Variants in FRMD5 observed in about 807,000 individuals in gnomAD.
FRMD5 encodes the protein FERM domain containing 5, also known as FERM domain-containing protein 5.
In FRMD5, 20 loss-of-function variants were observed where a neutral mutation model predicts 69.0. The observed-to-expected ratio is 0.29, with a 90% CI of 0.20 to 0.42. FRMD5 has a LOEUF of 0.42. Among genes scored for constraint, FRMD5 ranks in the 10% least tolerant of loss-of-function variants. FRMD5 has a pLI of 1.00. For synonymous variants in FRMD5, 271 were observed against 260.1 expected, an observed-to-expected ratio of 1.04 and a Z score of -0.40; for missense variants, 595 against 708.6, an observed-to-expected ratio of 0.84 and a Z score of 1.82.
chr15:43,958,293 C>T (rs907678670), intron 1 of FRMD5, among the ~76,000 whole-genome samples: 2 of 151,676 alleles, frequency 1.3e-5, no homozygotes, highest in Admixed American at 6.6e-5. Flanking sequence ...GAGGACCATG[C>T]CTTAGAGTAC....
At chr15:43,904,228 T>G (rs1272442203) in intron 6 of FRMD5, among the ~76,000 whole-genome samples, 1 of 152,180 alleles carries the variant, frequency 6.6e-6, no homozygotes, top group Non-Finnish European at 1.5e-5. Flanking sequence ...AAGGAACAAG[T>G]TGAAGCTTAG....
intron 1 of FRMD5, among the ~76,000 whole-genome samples, chr15:44,064,637 A>C (rs1261787088): frequency 6.6e-6 from 1 of 152,220 alleles, no homozygotes; most frequent in African/African-American, 2.4e-5. Flanking sequence ...CCCCCTTTAG[A>C]GGAGCTTAGA....
At chr15:44,037,241 G>T (rs929505126) in intron 1 of FRMD5, among the ~76,000 whole-genome samples, 1 of 151,976 alleles carries the variant, frequency 6.6e-6, no homozygotes, top group Non-Finnish European at 1.5e-5. Context: ...TACGGTGTTT[G>T]GTTTTCTGTT....
At chr15:44,152,596 A>G (rs920517796) in intron 1 of FRMD5, among the ~76,000 whole-genome samples, 6 of 152,244 alleles carry the variant, frequency 3.9e-5, no homozygotes, top group African/African-American at 1.4e-4. Context: ...TTGTGAGCTA[A>G]GTTGCTCTAA....
chr15:44,007,891 G>A (rs552737827), intron 1 of FRMD5, among the ~76,000 whole-genome samples: 3 of 151,942 alleles, frequency 2.0e-5, no homozygotes, highest in Admixed American at 6.5e-5. Flanking sequence ...TGATCCACCC[G>A]CCTTGGCCTC....
upstream of FRMD5, among the ~76,000 whole-genome samples, chr15:44,198,578 G>A (rs192152220): frequency 2.2e-3 from 329 of 152,168 alleles, no homozygotes; most frequent in Admixed American, 4.9e-3. Context: ...GAACTAGAAA[G>A]GAAGGGCTCA....
intron 1 of FRMD5, among the ~76,000 whole-genome samples, chr15:44,107,670 T>C (rs2076739543): frequency 6.6e-6 from 1 of 152,194 alleles, no homozygotes; most frequent in Admixed American, 6.5e-5. Context: ...CATTAAAATA[T>C]AAAAAATGTT....
rs1360971376 is a variant in FRMD5 at position 43,873,267 on chromosome 15, G to T, written c.*618C>A. ...CAAAAGGAAAAGAAAATCCAACTCA[G>T]ACCATCATAAGAAGCAACTTTCCAT... On this transcript the variant is annotated 3_prime_UTR_variant, in exon 14 of 14. Transcript: ENST00000417257. 4 of 1,544,470 alleles carry T rather than the reference G, an allele frequency of 2.6e-6. No homozygotes were observed. In the African/African-American group the frequency reaches 5.5e-5, roughly 21 times the overall value.
chr15:44,074,263 T>G (rs1320122839), intron 1 of FRMD5, among the ~76,000 whole-genome samples: 1 of 152,226 alleles, frequency 6.6e-6, no homozygotes, highest in Non-Finnish European at 1.5e-5. Flanking sequence ...TTCAAAAAGC[T>G]TATTTGTTAC....
At chr15:44,072,103 T>C (rs571692211) in intron 1 of FRMD5, among the ~76,000 whole-genome samples, 3 of 152,332 alleles carry the variant, frequency 2.0e-5, no homozygotes, top group South Asian at 4.1e-4. Context: ...TGACCTCAGG[T>C]GATCCACCCA....
intron 1 of FRMD5, among the ~76,000 whole-genome samples, chr15:44,062,568 A>G (rs1358327323): frequency 8.6e-5 from 13 of 151,752 alleles, no homozygotes; most frequent in Non-Finnish European, 2.9e-5. Flanking sequence ...GTGGGTGCCT[A>G]TAATCCCAGC....
At chr15:44,185,652 G>A (rs1218875556) in intron 1 of FRMD5, among the ~76,000 whole-genome samples, 1 of 152,042 alleles carries the variant, frequency 6.6e-6, no homozygotes, top group Non-Finnish European at 1.5e-5. Flanking sequence ...AATTAGCTGA[G>A]CGTGGTGGTG....
At chr15:44,173,145 A>T (rs553570576) in intron 1 of FRMD5, among the ~76,000 whole-genome samples, 5 of 152,340 alleles carry the variant, frequency 3.3e-5, no homozygotes, top group Non-Finnish European at 4.4e-5. Context: ...AAGGCATATT[A>T]GGTTTCAAAC....
At chr15:43,878,511 C>G (rs752214940) in intron 13 of FRMD5, among the ~76,000 whole-genome samples, 1 of 152,342 alleles carries the variant, frequency 6.6e-6, no homozygotes, top group South Asian at 2.1e-4. Flanking sequence ...CCTCTGATCT[C>G]TCTTCCACAG....
intron 1 of FRMD5, among the ~76,000 whole-genome samples, chr15:44,085,010 G>C (rs994448803): frequency 2.0e-5 from 3 of 152,068 alleles, no homozygotes; most frequent in Admixed American, 1.3e-4. Flanking sequence ...TGAGCACCAA[G>C]AGATTTACCT....
In FRMD5 at chr15:43,983,033, T is replaced by C. The variant is rs372184682; in HGVS notation, c.103-58724A>G. 8.5e-5 allele frequency among the ~76,000 whole-genome samples: 13 copies of C among 152,274 alleles called. No homozygotes were observed. The East Asian group carries it at 1.9e-3, about 23-fold the overall frequency. The stretch of plus-strand genomic sequence containing the variant: ...GCAACCTCCACTTCCCGGGGTCAAG[T>C]GATTCTCCTGCCTCAGCCTCCTAAG... On this transcript the variant is annotated intron_variant, in intron 1 of 13. Transcript: ENST00000417257.
At chr15:44,139,465 T>C (rs1158997656) in intron 1 of FRMD5, among the ~76,000 whole-genome samples, 7 of 151,822 alleles carry the variant, frequency 4.6e-5, no homozygotes, top group African/African-American at 1.5e-4. Flanking sequence ...ATGAGACATG[T>C]CTAAGCCAAA....
At chr15:44,022,445 G>A (rs944336973) in intron 1 of FRMD5, among the ~76,000 whole-genome samples, 1 of 151,188 alleles carries the variant, frequency 6.6e-6, no homozygotes, top group Non-Finnish European at 1.5e-5. Context: ...GTGGTGGCAT[G>A]TACCTGTAAT....
intron 1 of FRMD5, among the ~76,000 whole-genome samples, chr15:44,163,110 C>CT (rs1342983015): frequency 6.6e-6 from 1 of 152,016 alleles, no homozygotes; most frequent in African/African-American, 2.4e-5. Context: ...AGAGGCGGAG[C>CT]TTGCAGTGAG....
Sources: gnomAD v4.1 joint callset for allele counts (sites outside exome capture counted in the v4.1 genomes callset) on GRCh38, gnomAD v4.1.1 for gene constraint, MANE v1.5 for transcripts, NCBI Gene and HGNC (gene_info 2026-07-23, HGNC 2026-07-21) for gene names.